Variants in SYK observed in about 807,000 individuals in gnomAD.
The protein encoded by SYK is tyrosine-protein kinase SYK.
In SYK, 16 loss-of-function variants were observed where a neutral mutation model predicts 77.8. That is an observed-to-expected ratio of 0.21 (90% CI 0.14 to 0.31). The LOEUF is 0.31. Ranked by LOEUF, SYK falls within the 10% of genes least tolerant of loss-of-function variation. The pLI is 1.00. For synonymous variants in SYK, 312 were observed against 308.7 expected, an observed-to-expected ratio of 1.01 and a Z score of -0.11; for missense variants, 529 against 814.4, an observed-to-expected ratio of 0.65 and a Z score of 4.26.
chr9:90,888,698 A>T, intron 13 of SYK, 71 bp downstream of exon 13: 1 of 1,183,350 alleles, frequency 8.5e-7, no homozygotes, highest in Non-Finnish European at 1.2e-6. Flanking sequence ...GGCGTCTAAA[A>T]AAAAGGATAA....
At chr9:90,841,917 C>T (rs1346961353) in intron 1 of SYK, among the ~76,000 whole-genome samples, 3 of 110,330 alleles carry the variant, frequency 2.7e-5, no homozygotes, top group Non-Finnish European at 3.7e-5. Flanking sequence ...GGGTAGTGTC[C>T]GTGTAGTACA....
intron 1 of SYK, among the ~76,000 whole-genome samples, chr9:90,831,089 AT>A: frequency 6.6e-6 from 1 of 152,250 alleles, no homozygotes; most frequent in East Asian, 1.9e-4. Context: ...AATGGTATGG[AT>A]TTGGCAACAA....
chr9:90,877,515 TATCTAGAA>T, intron 9 of SYK, 48 bp from the exon 10 acceptor site: 1 of 1,579,948 alleles, frequency 6.3e-7, no homozygotes, highest in South Asian at 1.1e-5. Context: ...AGGATAAGAT[TATCTAGAA>T]GTGAGGCATT....
chr9:90,849,017 C>T (rs1365061977), intron 3 of SYK, among the ~76,000 whole-genome samples: 1 of 152,188 alleles, frequency 6.6e-6, no homozygotes, highest in Non-Finnish European at 1.5e-5. Flanking sequence ...AGGGCACCCA[C>T]AGAGGCCAGT....
chr9:90,808,370 C>T (rs531044403), intron 1 of SYK, among the ~76,000 whole-genome samples: 3 of 151,570 alleles, frequency 2.0e-5, no homozygotes, highest in African/African-American at 7.3e-5. Flanking sequence ...CCCCGTCTCC[C>T]GGGGTATCAG....
chr9:90,870,701 C>T (rs1317945690), intron 7 of SYK, among the ~76,000 whole-genome samples: 3 of 152,172 alleles, frequency 2.0e-5, no homozygotes, highest in Non-Finnish European at 4.4e-5. Context: ...CAACAGTCTG[C>T]CCTCGCCTGT....
intron 4 of SYK, among the ~76,000 whole-genome samples, chr9:90,863,903 T>C (rs1827367105): frequency 6.6e-6 from 1 of 152,244 alleles, no homozygotes; most frequent in Admixed American, 6.5e-5. Flanking sequence ...TCTCTAATTA[T>C]TGAGAATGTC....
intron 1 of SYK, among the ~76,000 whole-genome samples, chr9:90,810,508 A>G (rs1335375094): frequency 6.6e-6 from 1 of 152,010 alleles, no homozygotes. Flanking sequence ...GGGGGACACA[A>G]TTCAACCTGT....
intron 11 of SYK, among the ~76,000 whole-genome samples, chr9:90,882,231 C>T (rs1828184891): frequency 6.6e-6 from 1 of 152,172 alleles, no homozygotes; most frequent in Non-Finnish European, 1.5e-5. Context: ...AAATAACACA[C>T]ATGGTTGTAT....
At chr9:90,873,896 T>C (rs761745406) in intron 7 of SYK, among the ~76,000 whole-genome samples, 1 of 152,200 alleles carries the variant, frequency 6.6e-6, no homozygotes, top group African/African-American at 2.4e-5. Context: ...GAATAGGATG[T>C]GCAAGGGGGT....
At chr9:90,828,634 C>T (rs961526153) in intron 1 of SYK, among the ~76,000 whole-genome samples, 6 of 152,122 alleles carry the variant, frequency 3.9e-5, no homozygotes, top group South Asian at 2.1e-4. Flanking sequence ...TGGTTGCAAC[C>T]CAGTGTTCTG....
chr9:90,836,807 A>T (rs1394423474), intron 1 of SYK, among the ~76,000 whole-genome samples: 1 of 152,242 alleles, frequency 6.6e-6, no homozygotes, highest in Non-Finnish European at 1.5e-5. Flanking sequence ...AGAAGTCATG[A>T]CATTATAAGA....
At chr9:90,813,061 AT>A (rs945248789) in intron 1 of SYK, among the ~76,000 whole-genome samples, 24 of 151,746 alleles carry the variant, frequency 1.6e-4, no homozygotes, top group African/African-American at 3.9e-4. Context: ...CGTCTTTAAG[AT>A]TTTTTTTTAA....
intron 1 of SYK, among the ~76,000 whole-genome samples, chr9:90,815,817 C>G (rs368592999): frequency 6.6e-6 from 1 of 152,218 alleles, no homozygotes; most frequent in Non-Finnish European, 1.5e-5. Flanking sequence ...TGCGCTGCTG[C>G]TCACTTCTGC....
intron 12 of SYK, 121 bp downstream of exon 12, chr9:90,888,010 A>G (rs553892208): frequency 2.3e-6 from 3 of 1,283,734 alleles, no homozygotes; most frequent in East Asian, 5.2e-5. Flanking sequence ...ACCAGTAAGC[A>G]GTTAATGTGC....
chr9:90,866,021 C>T (rs1009341745), intron 6 of SYK, among the ~76,000 whole-genome samples: 3 of 151,378 alleles, frequency 2.0e-5, no homozygotes, highest in South Asian at 2.1e-4. Flanking sequence ...GCCTCAGCCT[C>T]GCGAGTAGCT....
At chr9:90,807,681 A>G (rs1824891726) in intron 1 of SYK, among the ~76,000 whole-genome samples, 1 of 152,236 alleles carries the variant, frequency 6.6e-6, no homozygotes, top group Admixed American at 6.5e-5. Flanking sequence ...TCTGACCTCC[A>G]AGATGGGAGA....
chr9:90,825,996 T>C (rs910632709), intron 1 of SYK, among the ~76,000 whole-genome samples: 1 of 152,124 alleles, frequency 6.6e-6, no homozygotes, highest in African/African-American at 2.4e-5. Context: ...CAGGTCAGGG[T>C]GGAACCCTAA....
At position 90,844,075 on chromosome 9, in the gene SYK, G is replaced by A. The variant is rs1297696906; in HGVS notation, c.177G>A (p.Arg59=). Residue 59 remains arginine, a synonymous_variant, in exon 2 of 14, where the codon AGG becomes AGA. Transcript: ENST00000375754. ...GGFALSVAHG[R]KAHHYTIERE... ...TCGCCCTGTCCGTGGCCCACGGGAGGAAGGCACACCACTACACCATCGAGC... is the reference window on the plus strand; with the variant it reads ...TCGCCCTGTCCGTGGCCCACGGGAGAAAGGCACACCACTACACCATCGAGC... 2.5e-6 allele frequency: 4 copies of A among 1,612,496 alleles called. No homozygotes were observed. Among genetic ancestry groups the A allele is most frequent in the East Asian group, 4.5e-5 (2 of 44,864 alleles).
Sources: allele counts gnomAD v4.1 joint callset (sites outside exome capture counted in the v4.1 genomes callset), GRCh38; gene constraint gnomAD v4.1.1; transcripts MANE v1.5; gene names NCBI Gene and HGNC (gene_info 2026-07-23, HGNC 2026-07-21).